DPP8: variants seen among roughly 807,000 people sequenced by gnomAD.
The protein encoded by DPP8 is DPP VIII.
A neutral mutation model predicts 107.5 loss-of-function variants in DPP8; 31 were observed. The observed-to-expected ratio is 0.29, with a 90% confidence interval of 0.22 to 0.39. The LOEUF (loss-of-function observed/expected upper bound fraction) is 0.39, where lower values mean the gene tolerates loss of function less well. Ranked by LOEUF, DPP8 falls within the 10% of genes least tolerant of loss-of-function variation. The pLI is 1.00. For synonymous variants in DPP8, 381 were observed against 356.6 expected (o/e 1.07, Z -0.77); for missense variants, 842 against 1,076.1 (o/e 0.78, Z 3.04).
chr15:65,499,182 C>T (rs915782335), intron 4 of DPP8, among the ~76,000 whole-genome samples: 3 of 151,548 alleles, frequency 2.0e-5, no homozygotes, highest in Non-Finnish European at 2.9e-5. Flanking sequence ...CTTCCAAAAC[C>T]TCCCTCAGTG....
chr15:65,504,958 G>A (rs530946366), intron 3 of DPP8, among the ~76,000 whole-genome samples: 1 of 152,014 alleles, frequency 6.6e-6, no homozygotes, highest in African/African-American at 2.4e-5. Flanking sequence ...TTCCAACTTG[G>A]GTGACAGAGT....
intron 5 of DPP8, among the ~76,000 whole-genome samples, chr15:65,492,023 C>T (rs2068086003): frequency 2.0e-5 from 3 of 151,520 alleles, no homozygotes; most frequent in Non-Finnish European, 2.9e-5. Context: ...TGAGCCACCA[C>T]GCCCGGCCAC....
intron 11 of DPP8, among the ~76,000 whole-genome samples, chr15:65,477,033 G>T (rs1001315388): frequency 1.3e-5 from 2 of 152,152 alleles, no homozygotes; most frequent in South Asian, 2.1e-4. Flanking sequence ...TTGGGGGAAG[G>T]GGGTAATAGA....
intron 3 of DPP8, 69 bp from the exon 4 acceptor site, chr15:65,500,848 C>A: frequency 5.6e-6 from 6 of 1,080,624 alleles, no homozygotes; most frequent in Non-Finnish European, 8.1e-6. Context: ...GCACTGAAAT[C>A]CTAGAATCTC....
At chr15:65,448,908 A>AGCCTGGG (rs2063747683) in intron 19 of DPP8, among the ~76,000 whole-genome samples, 2 of 83,598 alleles carry the variant, frequency 2.4e-5, no homozygotes, top group African/African-American at 9.2e-5. Flanking sequence ...ATATATATAT[A>AGCCTGGG]TATATATATA....
At chr15:65,499,070 A>AGTGTGTGTGTGT (rs56047613) in intron 4 of DPP8, among the ~76,000 whole-genome samples, 89 of 129,760 alleles carry the variant, frequency 6.9e-4, no homozygotes, top group Middle Eastern at 3.6e-3. Context: ...CCAAAAAAAA[A>AGTGTGTGTGTGT]GTGTGTGTGT....
chr15:65,467,103 G>C lies in DPP8; in HGVS notation c.1657C>G (p.Arg553Gly), dbSNP rs370549371. The C allele has an allele frequency of 1.5e-4, 250 of 1,614,076 alleles. No individual in the cohort carries two copies. The highest frequency in any genetic ancestry group is 1.9e-4 in the Non-Finnish European group (225 of 1,179,996). The change falls in exon 13 of 20, where the codon CGT becomes GGT. Residue 553 changes from arginine to glycine, a missense_variant. Physicochemically the swap from Arg to Gly is moderately radical, Grantham distance 125. Around this residue, in one of 2 missense-constraint regions of DPP8, gnomAD observed 663 missense variants for 758.0 expected, o/e 0.87. Transcript: ENST00000300141. ...ATGCAGCAAGAATGTGAGTAGCCACGGTCAGTCAGCCTTGTCACCTCTCCA... is the reference window on the plus strand; with the variant it reads ...ATGCAGCAAGAATGTGAGTAGCCACCGTCAGTCAGCCTTGTCACCTCTCCA... The part of the protein sequence containing the change: ...NPGEVTRLTD[R>G]GYSHSCCISQ...
rs373856769 is a variant in DPP8, at chr15:65,497,895, T to C, written c.684A>G (p.Arg228=). 1.2e-5 allele frequency: 19 copies of C among 1,581,716 alleles called. No individual in the cohort carries two copies. The East Asian group carries it at 1.6e-4, about 13-fold the overall frequency. Residue 228 remains arginine, a synonymous_variant, in exon 5 of 20, where the codon AGA becomes AGG. Transcript: ENST00000300141. ...NDIWISNIVT[R]EERRLTYVHN... is the part of the protein sequence containing the mutation. ...GCACATAAGTGAGTCTCCTTTCTTCTCTGGTTACGATGTTAGATATCCAAA... is the reference window on the plus strand; with the variant it reads ...GCACATAAGTGAGTCTCCTTTCTTCCCTGGTTACGATGTTAGATATCCAAA...
At chr15:65,470,195 C>CAAAAAA (rs11310623) in intron 12 of DPP8, among the ~76,000 whole-genome samples, 1 of 58,478 alleles carries the variant, frequency 1.7e-5, no homozygotes, top group Non-Finnish European at 3.2e-5. Flanking sequence ...ACTCTTGTCT[C>CAAAAAA]AAAAAAAAAA....
Position 65,446,592 on chromosome 15 carries a change from A to G in DPP8, c.*292T>C, listed in dbSNP as rs984911900. On this transcript the variant is annotated 3_prime_UTR_variant, in exon 20 of 20. Transcript: ENST00000300141. ...ATACTATTAAAAGTGAAAATAGGGTAGTATGAATACATGGTGCTAATGTCT... is the reference window on the plus strand; with the variant it reads ...ATACTATTAAAAGTGAAAATAGGGTGGTATGAATACATGGTGCTAATGTCT... 1 of 160,278 alleles carries G rather than the reference A, an allele frequency of 6.2e-6. No homozygotes were observed. Among genetic ancestry groups the G allele is most frequent in the Non-Finnish European group, 1.3e-5 (1 of 74,786 alleles). The allele number at this position is 160,278 out of a possible 1,614,324, so 9.9% of individuals were successfully genotyped here. A position where few individuals can be genotyped will look rare whatever the true frequency, so the allele number is the denominator to read the frequency against.
chr15:65,472,044 A>AT (rs556346851), intron 12 of DPP8, among the ~76,000 whole-genome samples: 26 of 152,190 alleles, frequency 1.7e-4, no homozygotes, highest in Non-Finnish European at 3.5e-4. Context: ...CATCCAAGTG[A>AT]CAGCTGAAAC....
intron 12 of DPP8, among the ~76,000 whole-genome samples, chr15:65,468,463 C>T (rs536762587): frequency 4.0e-5 from 6 of 151,032 alleles, no homozygotes; most frequent in African/African-American, 1.5e-4. Context: ...CAATGCATTC[C>T]AGCCTGGGCA....
chr15:65,447,055 A>C, intron 19 of DPP8, 49 bp from the exon 20 acceptor site: 1 of 1,419,766 alleles, frequency 7.0e-7, no homozygotes. Context: ...AGAATTTAGT[A>C]ATACATCTTC....
At chr15:65,483,045 C>T (rs576455624) in intron 8 of DPP8, among the ~76,000 whole-genome samples, 10 of 151,816 alleles carry the variant, frequency 6.6e-5, no homozygotes, top group Non-Finnish European at 1.3e-4. Flanking sequence ...TGCAGTGAGA[C>T]GAGATCGCAC....
intron 5 of DPP8, among the ~76,000 whole-genome samples, chr15:65,493,617 G>A (rs888829068): frequency 6.6e-6 from 1 of 152,060 alleles, no homozygotes; most frequent in Non-Finnish European, 1.5e-5. Context: ...TTTTCAAAGT[G>A]TTTTGAATTC....
intron 15 of DPP8, among the ~76,000 whole-genome samples, chr15:65,461,891 G>A (rs1012154228): frequency 4.0e-5 from 6 of 151,106 alleles, no homozygotes; most frequent in African/African-American, 9.7e-5. Context: ...GAGCCATCGC[G>A]CACAGCCGAC....
At chr15:65,493,105 C>T (rs184070189) in intron 5 of DPP8, among the ~76,000 whole-genome samples, 272 of 151,278 alleles carry the variant, frequency 1.8e-3, no homozygotes, top group Non-Finnish European at 3.1e-3. Flanking sequence ...TTTTTTTAGA[C>T]GGAGTTTTGC....
At chr15:65,480,131 A>G (rs2066779726) in intron 10 of DPP8, 91 bp downstream of exon 10, 1 of 1,167,352 alleles carries the variant, frequency 8.6e-7, no homozygotes, top group Admixed American at 2.6e-5. Flanking sequence ...TTAAACTTAA[A>G]AAAAAATGCA....
At chr15:65,460,560 T>A (rs772072068) in intron 15 of DPP8, among the ~76,000 whole-genome samples, 6 of 152,210 alleles carry the variant, frequency 3.9e-5, no homozygotes, top group African/African-American at 9.6e-5. Context: ...AGGTACCTCA[T>A]ACAGGTGGAA....
Sources: allele counts gnomAD v4.1 joint callset (sites outside exome capture counted in the v4.1 genomes callset), GRCh38; gene constraint gnomAD v4.1.1; regional missense constraint gnomAD v4.1.1; transcripts MANE v1.5; gene names NCBI Gene and HGNC (gene_info 2026-07-23, HGNC 2026-07-21).